The following CTNND2 variants were observed in gnomAD, a reference collection of about 807,000 sequenced individuals.
CTNND2 encodes catenin delta-2.
CTNND2 carries 22 observed loss-of-function variants against 144.4 expected under a neutral mutation model. That is an observed-to-expected ratio of 0.15 (90% CI 0.11 to 0.22). The LOEUF (loss-of-function observed/expected upper bound fraction) is 0.22, where lower values mean the gene tolerates loss of function less well. CTNND2 is among the 10% of genes least tolerant of loss of function. The pLI, the probability that CTNND2 is intolerant of heterozygous loss-of-function variation, is 1.00. For missense variants in CTNND2, 1,353 were observed against 1,618.8 expected, an observed-to-expected ratio of 0.84 and a Z score of 2.82; for synonymous variants, 751 against 695.6, an observed-to-expected ratio of 1.08 and a Z score of -1.25.
chr5:11,621,671 C>T (rs966828990), intron 2 of CTNND2, among the ~76,000 whole-genome samples: 1 of 152,036 alleles, frequency 6.6e-6, no homozygotes, highest in African/African-American at 2.4e-5. Flanking sequence ...ACTTAGCTTC[C>T]TTCATGCAAC....
intron 2 of CTNND2, among the ~76,000 whole-genome samples, chr5:11,603,462 A>T (rs1779903396): frequency 6.6e-6 from 1 of 152,214 alleles, no homozygotes; most frequent in Non-Finnish European, 1.5e-5. Flanking sequence ...GACTCTCAAA[A>T]CATCTTGCCT....
chr5:11,367,060 T>C (rs1190654653), intron 7 of CTNND2, among the ~76,000 whole-genome samples: 2 of 152,280 alleles, frequency 1.3e-5, no homozygotes, highest in East Asian at 1.9e-4. Context: ...TAGGATACTA[T>C]ACTTTTTTAC....
intron 9 of CTNND2, among the ~76,000 whole-genome samples, chr5:11,336,866 A>T (rs1208383348): frequency 6.6e-6 from 1 of 152,184 alleles, no homozygotes; most frequent in East Asian, 1.9e-4. Context: ...ACACACACAC[A>T]CATAACTTTC....
At chr5:11,377,781 C>A (rs538747698) in intron 7 of CTNND2, among the ~76,000 whole-genome samples, 1 of 152,126 alleles carries the variant, frequency 6.6e-6, no homozygotes, top group Non-Finnish European at 1.5e-5. Flanking sequence ...ACTTGCCATA[C>A]GGGAGTGTTA....
chr5:11,027,919 T>C (rs1743029153), intron 16 of CTNND2, among the ~76,000 whole-genome samples: 1 of 152,200 alleles, frequency 6.6e-6, no homozygotes, highest in Admixed American at 6.5e-5. Context: ...GTTTCCATGT[T>C]GTGTTTGTGA....
At chr5:11,204,432 T>C (rs1438490756) in intron 10 of CTNND2, among the ~76,000 whole-genome samples, 1 of 152,188 alleles carries the variant, frequency 6.6e-6, no homozygotes, top group East Asian at 1.9e-4. Flanking sequence ...AAGGATGCAG[T>C]GGGTATCTTC....
intron 3 of CTNND2, among the ~76,000 whole-genome samples, chr5:11,461,835 C>T (rs1447660045): frequency 6.6e-6 from 1 of 152,146 alleles, no homozygotes; most frequent in Non-Finnish European, 1.5e-5. Flanking sequence ...CATTGATTCT[C>T]AGAGATACTG....
chr5:11,829,973 G>A (rs1032026252), intron 1 of CTNND2, among the ~76,000 whole-genome samples: 3 of 152,210 alleles, frequency 2.0e-5, no homozygotes, highest in African/African-American at 7.2e-5. Context: ...GTGAGACATG[G>A]AGTCAAAGGA....
intron 2 of CTNND2, among the ~76,000 whole-genome samples, chr5:11,621,062 C>T (rs7709872): frequency 0.053 from 8,027 of 152,156 alleles, 412 homozygotes; most frequent in African/African-American, 0.12. Flanking sequence ...CCTGAAAGAA[C>T]GGTGTATATG....
chr5:11,348,273 AT>A (rs1754992707), intron 8 of CTNND2, among the ~76,000 whole-genome samples: 1 of 152,148 alleles, frequency 6.6e-6, no homozygotes, highest in African/African-American at 2.4e-5. Context: ...AGCATGTGTA[AT>A]TAAAATCCAC....
At chr5:11,288,702 T>A (rs1353197570) in intron 9 of CTNND2, among the ~76,000 whole-genome samples, 2 of 152,014 alleles carry the variant, frequency 1.3e-5, no homozygotes, top group Non-Finnish European at 2.9e-5. Context: ...TGTTCAGAAT[T>A]GACTTTTTTA....
intron 1 of CTNND2, among the ~76,000 whole-genome samples, chr5:11,777,537 G>A (rs1330442352): frequency 2.0e-5 from 3 of 152,164 alleles, no homozygotes; most frequent in Non-Finnish European, 4.4e-5. Context: ...AGATGGAGGT[G>A]GTTGAGTGGT....
chr5:11,109,153 C>T (rs1752700412), intron 14 of CTNND2, among the ~76,000 whole-genome samples: 2 of 152,132 alleles, frequency 1.3e-5, no homozygotes, highest in Admixed American at 1.3e-4. Context: ...GCAACAGGCA[C>T]ACAGCAGATG....
At chr5:11,865,886 T>C (rs1018982637) in intron 1 of CTNND2, among the ~76,000 whole-genome samples, 4 of 52,562 alleles carry the variant, frequency 7.6e-5, no homozygotes, top group Non-Finnish European at 1.3e-4. Context: ...GGGCAACCTT[T>C]AGAAGCTGGA....
chr5:11,783,577 G>A (rs974410383), intron 1 of CTNND2, among the ~76,000 whole-genome samples: 1 of 152,102 alleles, frequency 6.6e-6, no homozygotes, highest in Non-Finnish European at 1.5e-5. Context: ...TTTAGGTATA[G>A]AGCAGATGAC....
At chr5:11,004,783 A>G (rs568395484) in intron 18 of CTNND2, among the ~76,000 whole-genome samples, 21 of 152,078 alleles carry the variant, frequency 1.4e-4, no homozygotes, top group East Asian at 5.8e-4. Flanking sequence ...AAAAAAAAAA[A>G]AAAAAAAGAA....
chr5:11,034,882 A>G (rs1016919564), intron 16 of CTNND2, among the ~76,000 whole-genome samples: 1 of 150,194 alleles, frequency 6.7e-6, no homozygotes, highest in African/African-American at 2.5e-5. Flanking sequence ...TAAATTTATT[A>G]TTATTATACT....
chr5:11,012,177 A>G (rs1270995745), intron 18 of CTNND2, among the ~76,000 whole-genome samples: 1 of 152,140 alleles, frequency 6.6e-6, no homozygotes, highest in South Asian at 2.1e-4. Context: ...CATTTGAGAC[A>G]TCAGCAATCC....
At chr5:11,823,336 T>C (rs966627850) in intron 1 of CTNND2, among the ~76,000 whole-genome samples, 7 of 152,180 alleles carry the variant, frequency 4.6e-5, no homozygotes, top group African/African-American at 1.4e-4. Flanking sequence ...TGGGTGTGCG[T>C]TGGGAGGATT....
Sources: gnomAD v4.1 joint callset for allele counts (sites outside exome capture counted in the v4.1 genomes callset) on GRCh38, gnomAD v4.1.1 for gene constraint, MANE v1.5 for transcripts, NCBI Gene and HGNC (gene_info 2026-07-23, HGNC 2026-07-21) for gene names.